TMPO: variants seen among roughly 807,000 people sequenced by gnomAD.
TMPO encodes thymopoietin.
A neutral mutation model predicts 45.4 loss-of-function variants in TMPO; 22 were observed. The ratio of observed to expected loss-of-function variants is 0.48; its 90% CI spans 0.35 to 0.69. The LOEUF is 0.69. TMPO is among the 30% of genes least tolerant of loss of function. TMPO has a pLI of 0.01. For missense variants in TMPO, 512 were observed against 548.8 expected (o/e 0.93, Z 0.67); for synonymous variants, 241 against 204.1 (o/e 1.18, Z -1.54).
At chr12:98,533,646 T>A (rs1877363063) in intron 3 of TMPO, 9 of 1,614,074 alleles carry the variant, frequency 5.6e-6, no homozygotes, top group Admixed American at 1.7e-5. Context: ...TTGCCAAAAC[T>A]GTTGTCTCTC....
At chr12:98,521,942 G>T (rs1357607057) in intron 1 of TMPO, among the ~76,000 whole-genome samples, 1 of 152,014 alleles carries the variant, frequency 6.6e-6, no homozygotes, top group Non-Finnish European at 1.5e-5. Context: ...TGGTCAGGCC[G>T]GTCTCAAACT....
chr12:98,526,685 C>T (rs961206432), intron 1 of TMPO, among the ~76,000 whole-genome samples: 1 of 152,120 alleles, frequency 6.6e-6, no homozygotes, highest in Admixed American at 6.6e-5. Context: ...TCTGGCCGGG[C>T]GCAGTGGCTC....
chr12:98,535,728 C>CAAT, intron 3 of TMPO: 1 of 888,068 alleles, frequency 1.1e-6, no homozygotes, highest in Non-Finnish European at 1.3e-6. Flanking sequence ...TTTTCCATTT[C>CAAT]ATCATTGAAA....
At chr12:98,538,728 T>C (rs1265167780) in intron 4 of TMPO, among the ~76,000 whole-genome samples, 1 of 152,132 alleles carries the variant, frequency 6.6e-6, no homozygotes, top group Non-Finnish European at 1.5e-5. Context: ...CTCTCTTCAT[T>C]TGATGTAGTT....
chr12:98,546,854 C>T (rs762879567), intron 8 of TMPO, among the ~76,000 whole-genome samples: 7 of 152,016 alleles, frequency 4.6e-5, no homozygotes, highest in Non-Finnish European at 8.8e-5. Context: ...AAAATCTAAA[C>T]GAAAATCTAG....
intron 7 of TMPO, among the ~76,000 whole-genome samples, chr12:98,546,020 A>C (rs58851562): frequency 0.12 from 18,111 of 152,242 alleles, 1,693 homozygotes; most frequent in African/African-American, 0.26. Flanking sequence ...GGCGTGAGCC[A>C]CCGTACCCGG....
chr12:98,534,205 C>T lies in TMPO; in HGVS notation c.565+2367C>T, dbSNP rs772424658. Reference sequence around the variant, plus strand: ...TACCATGGGAAATGCCACTGTAGGTCGTCGATACCTCTGGCTGAAGGATTG... The same window carrying T: ...TACCATGGGAAATGCCACTGTAGGTTGTCGATACCTCTGGCTGAAGGATTG... On this transcript the variant is annotated intron_variant, in intron 3 of 8. Coordinates refer to ENST00000556029, the MANE Select transcript of TMPO (RefSeq NM_001032283.3). The T allele has an allele frequency of 2.7e-5, 44 of 1,613,700 alleles. No individual in the cohort carries two copies. The highest frequency in any genetic ancestry group is 3.5e-5 in the Non-Finnish European group (41 of 1,179,886).
In TMPO at chr12:98,515,942, G is replaced by A. The variant is rs1875749301; in HGVS notation, c.75G>A (p.Val25=). The A allele has an allele frequency of 1.2e-6, 2 of 1,613,602 alleles. No individual in the cohort carries two copies. The highest frequency in any genetic ancestry group is 4.5e-5 in the East Asian group (2 of 44,856). The change falls in exon 1 of 9, where the codon GTG becomes GTA. Residue 25 remains valine (V), a synonymous_variant. Transcript: ENST00000556029. The part of the protein sequence containing the change: ...KLKSELVANN[V]TLPAGEQRKD... ...AGAGTGAGTTGGTCGCCAACAATGT[G>A]ACGCTGCCGGCCGGGGAGCAGCGCA... is the stretch of plus-strand genomic sequence containing the variant.
intron 1 of TMPO, among the ~76,000 whole-genome samples, chr12:98,525,145 TTTC>T (rs1876669139): frequency 1.3e-5 from 2 of 152,362 alleles, no homozygotes; most frequent in South Asian, 4.1e-4. Flanking sequence ...GATTAAATCT[TTTC>T]TTGAAAGAAA....
chr12:98,521,872 A>G (rs7309364), intron 1 of TMPO, among the ~76,000 whole-genome samples: 102,131 of 151,968 alleles, frequency 0.67, 35,115 homozygotes, highest in Non-Finnish European at 0.75. Context: ...TGGGATTACA[A>G]GCGTGCACCA....
intron 3 of TMPO, 37 bp downstream of exon 3, chr12:98,531,875 T>C (rs1219211388): frequency 6.4e-7 from 1 of 1,566,474 alleles, no homozygotes; most frequent in Admixed American, 1.8e-5. Context: ...ATGTATGGAA[T>C]TTTTTCACAC....
intron 2 of TMPO, among the ~76,000 whole-genome samples, chr12:98,528,537 A>G (rs1169903063): frequency 6.6e-6 from 1 of 151,584 alleles, no homozygotes; most frequent in African/African-American, 2.4e-5. Flanking sequence ...TCGGCCTCCC[A>G]AAGTGCTGGG....
intron 1 of TMPO, among the ~76,000 whole-genome samples, chr12:98,523,383 G>C (rs1297792472): frequency 6.6e-6 from 1 of 152,014 alleles, no homozygotes; most frequent in East Asian, 1.9e-4. Context: ...GTGAAATCCT[G>C]TCTCTTCTAA....
chr12:98,546,510 T>A, intron 8 of TMPO, 63 bp downstream of exon 8: 1 of 1,257,688 alleles, frequency 8.0e-7, no homozygotes. Flanking sequence ...TTTTTAATTC[T>A]TCATCACAAA....
intron 1 of TMPO, among the ~76,000 whole-genome samples, chr12:98,519,506 C>A (rs1434719483): frequency 6.6e-6 from 1 of 152,166 alleles, no homozygotes; most frequent in Non-Finnish European, 1.5e-5. Context: ...GCCCAGAAGT[C>A]ATGTTTTTTA....
chr12:98,544,734 T>A (rs1805379018), intron 6 of TMPO, 197 bp downstream of exon 6: 1 of 646,720 alleles, frequency 1.5e-6, no homozygotes, highest in African/African-American at 1.8e-5. Flanking sequence ...GAAATCTAAT[T>A]CATTGTACAA....
At chr12:98,519,428 A>G (rs967220598) in intron 1 of TMPO, among the ~76,000 whole-genome samples, 9 of 152,030 alleles carry the variant, frequency 5.9e-5, no homozygotes, top group African/African-American at 2.2e-4. Flanking sequence ...GGAACACCTG[A>G]CCTCAGGTGA....
chr12:98,520,309 C>CCTTCCTTCCG (rs1555202290), intron 1 of TMPO, among the ~76,000 whole-genome samples: 2 of 145,018 alleles, frequency 1.4e-5, no homozygotes, highest in African/African-American at 5.2e-5. Context: ...TTCCTTCCTT[C>CCTTCCTTCCG]TGTGTGTGTG....
chr12:98,524,896 A>G (rs796548825), intron 1 of TMPO, among the ~76,000 whole-genome samples: 5 of 152,332 alleles, frequency 3.3e-5, no homozygotes, highest in African/African-American at 1.2e-4. Context: ...ACCTGGCCCA[A>G]AGAGATTTCT....
Sources: gnomAD v4.1 joint callset for allele counts (sites outside exome capture counted in the v4.1 genomes callset) on GRCh38, gnomAD v4.1.1 for gene constraint, MANE v1.5 for transcripts, NCBI Gene and HGNC (gene_info 2026-07-23, HGNC 2026-07-21) for gene names.